The following SNAP25 variants were observed in gnomAD, a reference collection of about 807,000 sequenced individuals.
SNAP25 encodes synaptosomal-associated protein 25.
Under a neutral mutation model 28.7 loss-of-function variants are expected in SNAP25, and 3 were observed. The ratio of observed to expected loss-of-function variants is 0.10; its 90% confidence interval spans 0.05 to 0.27. The LOEUF is 0.27. Among genes scored for constraint, SNAP25 ranks in the 10% least tolerant of loss-of-function variants. The pLI, the probability that SNAP25 is intolerant of heterozygous loss-of-function variation, is 1.00. For missense variants in SNAP25, 117 were observed against 278.7 expected, an observed-to-expected ratio of 0.42 and a Z score of 4.13; for synonymous variants, 61 against 88.1, an observed-to-expected ratio of 0.69 and a Z score of 1.72.
At chr20:10,291,808 G>T (rs1282068520) in intron 4 of SNAP25, among the ~76,000 whole-genome samples, 5 of 152,204 alleles carry the variant, frequency 3.3e-5, no homozygotes, top group African/African-American at 7.2e-5. Context: ...ATGAAAAGAG[G>T]AATGGAAATG....
At chr20:10,276,199 C>T (rs908893817) in intron 2 of SNAP25, among the ~76,000 whole-genome samples, 2 of 152,104 alleles carry the variant, frequency 1.3e-5, no homozygotes, top group African/African-American at 2.4e-5. Flanking sequence ...CCTGTGATCT[C>T]GGCTACTTGG....
chr20:10,266,482 T>A (rs903911915), intron 1 of SNAP25, among the ~76,000 whole-genome samples: 3 of 152,236 alleles, frequency 2.0e-5, no homozygotes, highest in African/African-American at 7.2e-5. Context: ...GTGGCTATTG[T>A]GAGCCAAATG....
At chr20:10,266,934 T>G (rs1039031420) in intron 1 of SNAP25, among the ~76,000 whole-genome samples, 2 of 152,074 alleles carry the variant, frequency 1.3e-5, no homozygotes, top group African/African-American at 4.8e-5. Context: ...AGGTAGGTAG[T>G]TAGAGTCAAA....
At chr20:10,267,846 G>A (rs774724341) in intron 1 of SNAP25, among the ~76,000 whole-genome samples, 23 of 152,130 alleles carry the variant, frequency 1.5e-4, no homozygotes, top group African/African-American at 4.8e-4. Context: ...CACCGTGCCC[G>A]GCCAATAGTC....
Position 10,241,458 on chromosome 20 carries a change from T to C in SNAP25, c.-64+22481T>C, listed in dbSNP as rs564435863. Among the ~76,000 whole-genome samples, 44 of 152,028 alleles carry C rather than the reference T, an allele frequency of 2.9e-4. 1 individual carries two copies. The highest frequency in any genetic ancestry group is 5.1e-4 in the Non-Finnish European group (35 of 67,970). ...GGCACTGAGTAAACAGGGGTGAACATGCCAGGCAATATTTCCTCTCGGGGT... is the reference window on the plus strand; with the variant it reads ...GGCACTGAGTAAACAGGGGTGAACACGCCAGGCAATATTTCCTCTCGGGGT... On this transcript the variant is annotated intron_variant, in intron 1 of 7. Coordinates refer to ENST00000254976, the MANE Select transcript of SNAP25 (RefSeq NM_130811.4).
At chr20:10,264,918 C>CTTTTTTTTTTTT (rs958711328) in intron 1 of SNAP25, among the ~76,000 whole-genome samples, 13 of 117,146 alleles carry the variant, frequency 1.1e-4, no homozygotes, top group African/African-American at 4.1e-4. Flanking sequence ...TCAGACCATG[C>CTTTTTTTTTTTT]TTTTTTTTTT....
At chr20:10,226,452 T>G (rs1273336025) in intron 1 of SNAP25, among the ~76,000 whole-genome samples, 1 of 152,162 alleles carries the variant, frequency 6.6e-6, no homozygotes, top group East Asian at 1.9e-4. Flanking sequence ...CAAATATTTA[T>G]TGAACACCTG....
In SNAP25 at chr20:10,249,183, T is replaced by C. The variant is rs113982118; in HGVS notation, c.-63-26246T>C. On this transcript the variant is annotated intron_variant, in intron 1 of 7. Coordinates refer to ENST00000254976, the MANE Select transcript of SNAP25 (RefSeq NM_130811.4). ...GATAGTTCAGAAGTTAGATGCAGCC[T>C]CTCTGAGAGCCAGGTTTTACTGGGA... Among the ~76,000 whole-genome samples the C allele has an allele frequency of 7.0e-4, 107 of 152,316 alleles. 1 individual carries two copies. Among genetic ancestry groups the C allele is most frequent in the African/African-American group, 2.4e-3 (98 of 41,582 alleles).
chr20:10,246,909 A>G (rs565004461), intron 1 of SNAP25, among the ~76,000 whole-genome samples: 16 of 152,262 alleles, frequency 1.1e-4, no homozygotes, highest in Admixed American at 2.6e-4. Flanking sequence ...ACAGCCTGAG[A>G]CCTAGGGGAA....
At chr20:10,220,132 G>A (rs1353993345) in intron 1 of SNAP25, among the ~76,000 whole-genome samples, 6 of 152,084 alleles carry the variant, frequency 3.9e-5, no homozygotes, top group African/African-American at 1.4e-4. Context: ...CTGTTTATAG[G>A]GATGATACAT....
chr20:10,275,424 C>T lies in SNAP25; in HGVS notation c.-63-5C>T. Reference sequence around the variant, plus strand: ...TCTCATATTTTCATATCTACTTCTTCCCAGGTCCAGAGCCAAACCCGTCAC... The same window carrying T: ...TCTCATATTTTCATATCTACTTCTTTCCAGGTCCAGAGCCAAACCCGTCAC... On this transcript the variant is annotated splice_region_variant and splice_polypyrimidine_tract_variant and intron_variant, in intron 1 of 7. Transcript: ENST00000254976. 1.4e-6 allele frequency: 2 copies of T among 1,420,218 alleles called. No individual in the cohort carries two copies. Among genetic ancestry groups the T allele is most frequent in the South Asian group, 2.6e-5 (2 of 78,108 alleles). The allele number at this position is 1,420,218 out of a possible 1,614,324, so 88.0% of individuals were successfully genotyped here. A position where few individuals can be genotyped will look rare whatever the true frequency, so the allele number is the denominator to read the frequency against.
intron 2 of SNAP25, among the ~76,000 whole-genome samples, 182 bp downstream of exon 2, chr20:10,275,745 C>G (rs914870839): frequency 5.3e-5 from 8 of 152,206 alleles, no homozygotes; most frequent in African/African-American, 1.9e-4. Context: ...ATTATAGAAG[C>G]TGCATACAAA....
In SNAP25 at chr20:10,293,510, T is replaced by C. The variant is rs917810345; in HGVS notation, c.281+232T>C. Among the ~76,000 whole-genome samples the C allele has an allele frequency of 1.1e-4, 16 of 152,208 alleles. No homozygotes were observed. The highest frequency in any genetic ancestry group is 3.2e-3 in the Middle Eastern group (1 of 316). On this transcript the variant is annotated intron_variant, in intron 5 of 7. Transcript: ENST00000254976. This position sits in a 1 kb window ranked among gnomAD's most constrained non-coding sequence, Gnocchi z 5.6. ...AAAGCTTCACTGTCAGCAACTTTTA[T>C]TGATGAACGTTTCAACATTTTCCAG...
At chr20:10,250,624 G>GT (rs1171116959) in intron 1 of SNAP25, among the ~76,000 whole-genome samples, 1 of 152,176 alleles carries the variant, frequency 6.6e-6, no homozygotes, top group Non-Finnish European at 1.5e-5. Context: ...GGACTCTCCT[G>GT]TAAGTATTAA....
chr20:10,255,905 A>G (rs1019845288), intron 1 of SNAP25, among the ~76,000 whole-genome samples: 1 of 150,072 alleles, frequency 6.7e-6, no homozygotes, highest in Non-Finnish European at 1.5e-5. Context: ...AATCGATTCC[A>G]TTACATTCAG....
intron 1 of SNAP25, among the ~76,000 whole-genome samples, chr20:10,260,468 G>T (rs904474420): frequency 4.0e-5 from 6 of 151,782 alleles, no homozygotes; most frequent in Admixed American, 3.3e-4. Flanking sequence ...AAAAAAAGTG[G>T]TTCTTAAAGT....
At chr20:10,284,021 T>C (rs2063828716) in intron 3 of SNAP25, among the ~76,000 whole-genome samples, 1 of 152,210 alleles carries the variant, frequency 6.6e-6, no homozygotes, top group African/African-American at 2.4e-5. Context: ...GAAGAATTTC[T>C]GTAAAGCTTG....
rs745739530 is a variant in SNAP25 at position 10,285,155 on chromosome 20, C to T, written c.163+383C>T. ...TCTAACAATACGTAGATAGAATGAG[C>T]GTATGGCATATCATGTTGTCTACTT... On this transcript the variant is annotated intron_variant, in intron 4 of 7. Transcript: ENST00000254976. 4.1e-4 allele frequency among the ~76,000 whole-genome samples: 63 copies of T among 151,978 alleles called. 1 individual carries two copies. Among genetic ancestry groups the T allele is most frequent in the South Asian group, 2.1e-4 (1 of 4,826 alleles).
intron 1 of SNAP25, among the ~76,000 whole-genome samples, chr20:10,224,282 T>TTTTTTTTTTTTTTTTTTTTTTC (rs2062693568): frequency 7.5e-6 from 1 of 132,680 alleles, no homozygotes; most frequent in Non-Finnish European, 1.6e-5. Flanking sequence ...TTTTTTTTTT[T>TTTTTTTTTTTTTTTTTTTTTTC]TTTTTTTTTT....
Sources: allele counts gnomAD v4.1 joint callset (sites outside exome capture counted in the v4.1 genomes callset), GRCh38; gene constraint gnomAD v4.1.1; non-coding constraint Gnocchi (gnomAD v3.1); transcripts MANE v1.5; gene names NCBI Gene and HGNC (gene_info 2026-07-23, HGNC 2026-07-21).